CCM2: variants seen among roughly 807,000 people sequenced by gnomAD.
CCM2 encodes the protein cerebral cavernous malformations 2 protein.
Under a neutral mutation model 44.9 loss-of-function variants are expected in CCM2, and 25 were observed. The observed-to-expected ratio is 0.56, with a 90% CI of 0.41 to 0.78. CCM2 has a LOEUF of 0.78. CCM2 is among the 30% of genes least tolerant of loss of function. The pLI, the probability that CCM2 is intolerant of heterozygous loss-of-function variation, is 0.00. For synonymous variants in CCM2, 219 were observed against 241.1 expected, an observed-to-expected ratio of 0.91 and a Z score of 0.85; for missense variants, 481 against 580.6, an observed-to-expected ratio of 0.83 and a Z score of 1.76.
At chr7:45,025,254 A>G (rs756858444) in intron 1 of CCM2, among the ~76,000 whole-genome samples, 24 of 152,152 alleles carry the variant, frequency 1.6e-4, no homozygotes, top group Non-Finnish European at 3.5e-4. Flanking sequence ...ATATGGTTCT[A>G]CTACTGAGAA....
chr7:45,024,101 G>A (rs751818332), intron 1 of CCM2, among the ~76,000 whole-genome samples: 42 of 152,178 alleles, frequency 2.8e-4, no homozygotes, highest in Non-Finnish European at 4.7e-4. Context: ...ATGAGCCACC[G>A]CACCCGGCCT....
At chr7:45,017,686 A>G (rs1414272185) in intron 1 of CCM2, among the ~76,000 whole-genome samples, 1 of 152,308 alleles carries the variant, frequency 6.6e-6, no homozygotes, top group East Asian at 1.9e-4. Context: ...CACAGAGTCC[A>G]TTCTGTCAGT....
At chr7:45,054,264 G>T (rs1178614453) in intron 2 of CCM2, among the ~76,000 whole-genome samples, 7 of 152,036 alleles carry the variant, frequency 4.6e-5, no homozygotes, top group African/African-American at 7.3e-5. Context: ...GGAGTGTGTG[G>T]GGGGCTTCTG....
chr7:45,000,255 C>G lies in CCM2; in HGVS notation c.-79C>G. On this transcript the variant is annotated 5_prime_UTR_variant, in exon 1 of 10. Coordinates refer to ENST00000258781, the MANE Select transcript of CCM2 (RefSeq NM_031443.4). ...GCCGGGAGCGCGGGGGCGGCGGGCC[C>G]GGGTCGAGCATGTAGCGGCTGCTGG... The G allele has an allele frequency of 2.3e-6, 2 of 884,790 alleles. No homozygotes were observed. Among genetic ancestry groups the G allele is most frequent in the African/African-American group, 2.3e-5 (1 of 43,282 alleles). 54.8% of individuals were successfully genotyped at this position (884,790 alleles called of 1,614,324 possible).
intron 4 of CCM2, among the ~76,000 whole-genome samples, chr7:45,065,255 C>T (rs897254493): frequency 6.6e-6 from 1 of 152,356 alleles, no homozygotes; most frequent in Middle Eastern, 3.4e-3. Flanking sequence ...CGTTAATTTC[C>T]AGCAGCTTCC....
At chr7:45,053,914 A>G (rs765155955) in intron 2 of CCM2, among the ~76,000 whole-genome samples, 1 of 152,142 alleles carries the variant, frequency 6.6e-6, no homozygotes, top group East Asian at 1.9e-4. Context: ...CAGTCCCACA[A>G]TCTCTGCTTT....
intron 1 of CCM2, among the ~76,000 whole-genome samples, chr7:45,001,931 C>T (rs1253691993): frequency 1.3e-5 from 2 of 152,068 alleles, no homozygotes; most frequent in East Asian, 3.8e-4. Context: ...GTTGCTTAAG[C>T]CAGGGGTTTT....
At chr7:45,052,846 G>T (rs1272669233) in intron 2 of CCM2, among the ~76,000 whole-genome samples, 1 of 152,156 alleles carries the variant, frequency 6.6e-6, no homozygotes, top group Non-Finnish European at 1.5e-5. Context: ...TACTGTTTTT[G>T]ATTTACTATG....
At chr7:45,062,401 A>G (rs989945599) in intron 2 of CCM2, among the ~76,000 whole-genome samples, 1 of 152,196 alleles carries the variant, frequency 6.6e-6, no homozygotes, top group African/African-American at 2.4e-5. Flanking sequence ...TGCTGCCCAC[A>G]GCCTTCTACA....
At chr7:45,024,380 G>T (rs546537755) in intron 1 of CCM2, among the ~76,000 whole-genome samples, 43 of 152,286 alleles carry the variant, frequency 2.8e-4, no homozygotes, top group African/African-American at 9.6e-4. Context: ...TTATCGTCAA[G>T]AACTTCTAGG....
chr7:45,053,588 A>G lies in CCM2; in HGVS notation c.205-10330A>G, dbSNP rs111532664. Among the ~76,000 whole-genome samples, 788 of 152,152 alleles carry G rather than the reference A, an allele frequency of 5.2e-3. 10 individuals carry two copies. The highest frequency in any genetic ancestry group is 0.018 in the African/African-American group (757 of 41,504). The stretch of plus-strand genomic sequence containing the variant: ...TGCTGCCTATTACCAGCTGACACCT[A>G]CACCTGCTCTGTGCGAGTCAGTGCT... On this transcript the variant is annotated intron_variant, in intron 2 of 9. Transcript: ENST00000258781.
chr7:45,052,240 T>G (rs759488872), intron 2 of CCM2, among the ~76,000 whole-genome samples: 2 of 152,158 alleles, frequency 1.3e-5, no homozygotes, highest in African/African-American at 2.4e-5. Flanking sequence ...AGTTCTGAAG[T>G]ATTCAGCTGG....
At chr7:45,040,865 C>T (rs1323285769) in intron 2 of CCM2, among the ~76,000 whole-genome samples, 1 of 152,180 alleles carries the variant, frequency 6.6e-6, no homozygotes, top group Non-Finnish European at 1.5e-5. Context: ...TGGCACACGC[C>T]TGTAATTCCA....
chr7:45,042,935 CTTCTCTTCTCTGCT>C (rs1204439036), intron 2 of CCM2, among the ~76,000 whole-genome samples: 1 of 150,088 alleles, frequency 6.7e-6, no homozygotes, highest in African/African-American at 2.5e-5. Context: ...TCTGTTCTCT[CTTCTCTTCTCTGCT>C]TTCTCTTCTC....
intron 1 of CCM2, among the ~76,000 whole-genome samples, chr7:45,031,495 C>A (rs561402490): frequency 1.3e-5 from 2 of 152,062 alleles, no homozygotes; most frequent in African/African-American, 2.4e-5. Flanking sequence ...TCTCTCCCCC[C>A]AGTCTTTCAG....
chr7:45,034,310 C>T (rs1226245525), intron 1 of CCM2, among the ~76,000 whole-genome samples: 14 of 151,950 alleles, frequency 9.2e-5, no homozygotes, highest in Admixed American at 9.2e-4. Flanking sequence ...CTCCCGGATT[C>T]AAGCGATTCT....
In CCM2 at chr7:45,009,439, C is replaced by CT. The variant is rs1434355473; in HGVS notation, c.30+9077dup. Among the ~76,000 whole-genome samples the CT allele has an allele frequency of 5.4e-5, 6 of 111,410 alleles. No individual in the cohort carries two copies. The East Asian group carries it at 1.9e-3, about 35-fold the overall frequency. The allele number at this position is 111,410 out of a possible 152,430, so 73.1% of individuals were successfully genotyped here. ...TTTTTTTTTGAGACGGAGTCTCACTCTGTCACCTAGGATGGAGTGCAATGG... is the reference window on the plus strand; with the variant it reads ...TTTTTTTTTGAGACGGAGTCTCACTCTTGTCACCTAGGATGGAGTGCAATGG... On this transcript the variant is annotated intron_variant, in intron 1 of 9. Coordinates refer to ENST00000258781, the MANE Select transcript of CCM2 (RefSeq NM_031443.4).
At chr7:45,064,111 T>C (rs1367556113) in intron 3 of CCM2, 110 bp downstream of exon 3, 6 of 741,552 alleles carry the variant, frequency 8.1e-6, no homozygotes, top group Non-Finnish European at 1.4e-5. Flanking sequence ...CATCACATTA[T>C]GGGTACACTT....
At chr7:45,007,077 T>C (rs1328762451) in intron 1 of CCM2, among the ~76,000 whole-genome samples, 2 of 152,194 alleles carry the variant, frequency 1.3e-5, no homozygotes, top group Non-Finnish European at 2.9e-5. Flanking sequence ...TTAGGGTCTC[T>C]GGGGTGAGTT....
Sources: gnomAD v4.1 joint callset for allele counts (sites outside exome capture counted in the v4.1 genomes callset) on GRCh38, gnomAD v4.1.1 for gene constraint, MANE v1.5 for transcripts, NCBI Gene and HGNC (gene_info 2026-07-23, HGNC 2026-07-21) for gene names.